The following CCNJL variants were observed in gnomAD, a reference collection of about 807,000 sequenced individuals.
The protein encoded by CCNJL is cyclin J like.
CCNJL carries 33 observed loss-of-function variants against 33.4 expected under a neutral mutation model. The ratio of observed to expected loss-of-function variants is 0.99; its 90% CI spans 0.75 to 1.32. CCNJL has a LOEUF of 1.32. Ranked by LOEUF, CCNJL falls within the 40% of genes most tolerant of loss-of-function variation. CCNJL has a pLI of 0.00. For synonymous variants in CCNJL, 227 were observed against 220.9 expected (o/e 1.03, Z -0.24); for missense variants, 512 against 499.7 (o/e 1.02, Z -0.23).
chr5:160,280,838 C>T lies in CCNJL; in HGVS notation c.67-100G>A, dbSNP rs562548157. 28 of 802,214 alleles carry T rather than the reference C, an allele frequency of 3.5e-5. No homozygotes were observed. The East Asian group carries it at 5.6e-4, about 16-fold the overall frequency. 49.7% of individuals were successfully genotyped at this position (802,214 alleles called of 1,614,324 possible). A position where few individuals can be genotyped will look rare whatever the true frequency, so the allele number is the denominator to read the frequency against. ...ACCTCAGGGCCTGAATGGGAGGCAA[C>T]GATTCCCTCCATACCCTTCTTAGTT... On this transcript the variant is annotated intron_variant, in intron 2 of 5. Transcript: ENST00000257536.
intron 2 of CCNJL, among the ~76,000 whole-genome samples, chr5:160,305,194 A>G (rs914628866): frequency 2.6e-5 from 4 of 152,116 alleles, no homozygotes; most frequent in Admixed American, 6.6e-5. Context: ...GGAGTGAGAA[A>G]AAAATACTGA....
intron 4 of CCNJL, among the ~76,000 whole-genome samples, chr5:160,256,063 A>G (rs541185379): frequency 5.5e-4 from 84 of 152,032 alleles, no homozygotes; most frequent in Non-Finnish European, 1.1e-3. Flanking sequence ...TAATTTTCGT[A>G]TTTTTTTGAG....
intron 2 of CCNJL, 69 bp from the exon 3 acceptor site, chr5:160,280,807 A>G: frequency 1.9e-6 from 2 of 1,059,848 alleles, no homozygotes; most frequent in Non-Finnish European, 2.8e-6. Context: ...TGTCCCAGGA[A>G]ATGGGACCTC....
intron 3 of CCNJL, chr5:160,276,288 G>C (rs1439248976): frequency 7.6e-6 from 1 of 132,278 alleles, no homozygotes; most frequent in Non-Finnish European, 1.6e-5. Flanking sequence ...CAGCTACTTG[G>C]GGCGGTGTGG....
intron 1 of CCNJL, among the ~76,000 whole-genome samples, chr5:160,332,341 G>T (rs1186453025): frequency 1.3e-5 from 2 of 152,146 alleles, no homozygotes; most frequent in Non-Finnish European, 2.9e-5. Flanking sequence ...AGTGGCAAAA[G>T]CTCCCTAACC....
At chr5:160,312,024 C>G in intron 1 of CCNJL, 52 bp from the exon 2 acceptor site, 1 of 1,140,132 alleles carries the variant, frequency 8.8e-7, no homozygotes, top group Non-Finnish European at 1.3e-6. Context: ...GGGCTCCGAC[C>G]CCCGGTGTCC....
chr5:160,288,668 A>T (rs1482523797), intron 2 of CCNJL, among the ~76,000 whole-genome samples: 1 of 152,066 alleles, frequency 6.6e-6, no homozygotes, highest in African/African-American at 2.4e-5. Context: ...CAGGAGATCG[A>T]GACCATCCTG....
rs1259946606 is a variant in CCNJL, at chr5:160,282,998, TATATATATATAC to T, written c.67-2272_67-2261del. On this transcript the variant is annotated intron_variant, in intron 2 of 5. Transcript: ENST00000257536. ...ATATATATATATATATATATATATA[TATATATATATAC>T]ATATATATATATATATACCTAAGAG... Among the ~76,000 whole-genome samples, 380 of 57,982 alleles carry T rather than the reference TATATATATATAC, an allele frequency of 6.6e-3. 14 individuals carry two copies. Among genetic ancestry groups the T allele is most frequent in the South Asian group, 0.012 (16 of 1,364 alleles). 38.0% of individuals were successfully genotyped at this position (57,982 alleles called of 152,430 possible).
intron 1 of CCNJL, among the ~76,000 whole-genome samples, chr5:160,324,627 G>GTCTATCTATCTATCTA (rs60714767): frequency 0.032 from 4,907 of 151,662 alleles, 96 homozygotes; most frequent in Non-Finnish European, 0.051. Context: ...AAAACTGTCT[G>GTCTATCTATCTATCTA]TCTATCTATC....
chr5:160,301,895 A>T (rs1762935617), intron 2 of CCNJL, among the ~76,000 whole-genome samples: 1 of 148,002 alleles, frequency 6.8e-6, no homozygotes, highest in Admixed American at 6.7e-5. Flanking sequence ...ACGCCCAGCT[A>T]ATTTTTGTAT....
intron 3 of CCNJL, among the ~76,000 whole-genome samples, chr5:160,273,481 G>T (rs1761907523): frequency 1.3e-5 from 2 of 151,944 alleles, no homozygotes; most frequent in Admixed American, 1.3e-4. Context: ...GAAAAATGTG[G>T]CACTAAGTCC....
upstream of CCNJL, among the ~76,000 whole-genome samples, chr5:160,314,843 A>G (rs1350339571): frequency 6.6e-6 from 1 of 152,196 alleles, no homozygotes; most frequent in East Asian, 1.9e-4. Flanking sequence ...TAGCATGCAA[A>G]TTAAAAGCTT....
chr5:160,334,762 T>G (rs1482993551), intron 1 of CCNJL, among the ~76,000 whole-genome samples: 1 of 152,216 alleles, frequency 6.6e-6, no homozygotes, highest in Non-Finnish European at 1.5e-5. Context: ...ACATGAGACC[T>G]GGCATCAGAT....
At chr5:160,297,745 AAAG>A (rs1356889235) in intron 2 of CCNJL, among the ~76,000 whole-genome samples, 7 of 152,230 alleles carry the variant, frequency 4.6e-5, no homozygotes, top group Non-Finnish European at 8.8e-5. Flanking sequence ...TGGTTGAAGA[AAAG>A]AAATATAAAT....
At chr5:160,325,801 G>C (rs2113477165) in intron 1 of CCNJL, among the ~76,000 whole-genome samples, 1 of 152,188 alleles carries the variant, frequency 6.6e-6, no homozygotes, top group East Asian at 1.9e-4. Context: ...CTCAAAGACA[G>C]GTCAGCAAGC....
At chr5:160,324,339 G>A (rs1258854755) in intron 1 of CCNJL, among the ~76,000 whole-genome samples, 1 of 152,132 alleles carries the variant, frequency 6.6e-6, no homozygotes, top group Non-Finnish European at 1.5e-5. Context: ...TTGGGAGGCC[G>A]AGGCAGGCGG....
intron 4 of CCNJL, among the ~76,000 whole-genome samples, chr5:160,257,400 G>A (rs1481769581): frequency 1.3e-5 from 2 of 151,978 alleles, no homozygotes; most frequent in Non-Finnish European, 2.9e-5. Context: ...GCTTGAACCT[G>A]GGAGGCGGAG....
At chr5:160,299,113 G>A (rs1762843752) in intron 2 of CCNJL, among the ~76,000 whole-genome samples, 1 of 152,014 alleles carries the variant, frequency 6.6e-6, no homozygotes, top group East Asian at 1.9e-4. Context: ...CAAGTAGTTG[G>A]GATTACAGGT....
At chr5:160,262,447 G>A (rs1178723376) in intron 3 of CCNJL, among the ~76,000 whole-genome samples, 1 of 152,208 alleles carries the variant, frequency 6.6e-6, no homozygotes, top group Non-Finnish European at 1.5e-5. Flanking sequence ...AGGCAGTGCT[G>A]GGTCTGAATC....
Sources: allele counts gnomAD v4.1 joint callset (sites outside exome capture counted in the v4.1 genomes callset), GRCh38; gene constraint gnomAD v4.1.1; transcripts MANE v1.5; gene names NCBI Gene and HGNC (gene_info 2026-07-23, HGNC 2026-07-21).